The following BANP variants were observed in gnomAD, a reference collection of about 807,000 sequenced individuals.
BANP encodes protein BANP.
In BANP, 11 loss-of-function variants were observed where a neutral mutation model predicts 68.1. The ratio of observed to expected loss-of-function variants is 0.16; its 90% CI spans 0.10 to 0.27. The LOEUF (loss-of-function observed/expected upper bound fraction) is 0.27, where lower values mean the gene tolerates loss of function less well. BANP is among the 10% of genes least tolerant of loss of function. BANP has a pLI of 1.00. For synonymous variants in BANP, 329 were observed against 303.2 expected (o/e 1.09, Z -0.88); for missense variants, 504 against 722.7 (o/e 0.70, Z 3.47).
intron 11 of BANP, among the ~76,000 whole-genome samples, chr16:88,056,161 GC>G (rs1252498159): frequency 2.0e-5 from 3 of 152,208 alleles, no homozygotes; most frequent in African/African-American, 7.2e-5. Context: ...GGTCCTTGTG[GC>G]CCCTAACAGG....
intron 12 of BANP, among the ~76,000 whole-genome samples, chr16:88,069,970 C>G (rs2089895779): frequency 6.6e-6 from 1 of 152,198 alleles, no homozygotes; most frequent in African/African-American, 2.4e-5. Flanking sequence ...TTCCCCCCAG[C>G]CCCAGTCAGC....
At chr16:87,953,415 C>T (rs2057382681) in intron 1 of BANP, among the ~76,000 whole-genome samples, 1 of 152,070 alleles carries the variant, frequency 6.6e-6, no homozygotes. Flanking sequence ...CCTGATGTTG[C>T]CCAGGCCGTA....
In BANP at chr16:88,057,410, A is replaced by C. The variant is rs1422827215; in HGVS notation, c.1312-7857A>C. ...CTGCACCAGGATTCCTGGCCTCCAGAGGAAGGATGGTGGCTGAAGGTGAGC... is the reference window on the plus strand; with the variant it reads ...CTGCACCAGGATTCCTGGCCTCCAGCGGAAGGATGGTGGCTGAAGGTGAGC... On this transcript the variant is annotated intron_variant, in intron 11 of 13. Coordinates refer to ENST00000682872, the MANE Select transcript of BANP (RefSeq NM_001386991.1). The surrounding 1 kb of genome is among the most constrained non-coding windows in gnomAD (Gnocchi z 4.6). 6.6e-6 allele frequency among the ~76,000 whole-genome samples: 1 copy of C among 152,106 alleles called. No individual in the cohort carries two copies. Among genetic ancestry groups the C allele is most frequent in the African/African-American group, 2.4e-5 (1 of 41,424 alleles).
chr16:88,044,232 C>T (rs939188360), intron 11 of BANP, among the ~76,000 whole-genome samples: 4 of 152,230 alleles, frequency 2.6e-5, no homozygotes, highest in African/African-American at 7.2e-5. Context: ...CCAGCATCTG[C>T]GCAAGCCACA....
chr16:88,025,752 C>A (rs2076869030), intron 7 of BANP, among the ~76,000 whole-genome samples: 1 of 152,190 alleles, frequency 6.6e-6, no homozygotes, highest in Admixed American at 6.5e-5. Context: ...ATTATTTCCA[C>A]CATTTTAGTC....
intron 2 of BANP, 109 bp from the exon 3 acceptor site, chr16:87,980,927 T>C: frequency 1.4e-6 from 1 of 720,546 alleles, no homozygotes. Context: ...TAGGTTCTGC[T>C]GTTTCTCCTT....
chr16:88,076,742 C>A lies in BANP; in HGVS notation c.*81C>A. Reference sequence around the variant, plus strand: ...ACGCGCCCTGCTCTCACGGCCTCGGCACAGGCAGCGGCTGCACGTGTTCTG... The same window carrying A: ...ACGCGCCCTGCTCTCACGGCCTCGGAACAGGCAGCGGCTGCACGTGTTCTG... On this transcript the variant is annotated 3_prime_UTR_variant, in exon 14 of 14. Coordinates refer to ENST00000682872, the MANE Select transcript of BANP (RefSeq NM_001386991.1). 1 of 1,199,276 alleles carries A rather than the reference C, an allele frequency of 8.3e-7. No individual in the cohort carries two copies. The highest frequency in any genetic ancestry group is 1.2e-6 in the Non-Finnish European group (1 of 864,196). 74.3% of individuals were successfully genotyped at this position (1,199,276 alleles called of 1,614,324 possible). A position where few individuals can be genotyped will look rare whatever the true frequency, so the allele number is the denominator to read the frequency against.
intron 11 of BANP, among the ~76,000 whole-genome samples, chr16:88,052,069 G>T (rs1351127872): frequency 6.6e-6 from 1 of 152,088 alleles, no homozygotes; most frequent in Non-Finnish European, 1.5e-5. Context: ...TCTCTCATTG[G>T]GCACTCTTAA....
At chr16:87,974,587 T>C (rs1183171393) in intron 1 of BANP, among the ~76,000 whole-genome samples, 3 of 152,010 alleles carry the variant, frequency 2.0e-5, no homozygotes, top group Admixed American at 2.0e-4. Context: ...GGAGGAGAGG[T>C]GGCGTATCAC....
intron 6 of BANP, among the ~76,000 whole-genome samples, chr16:88,010,222 T>G (rs1265218340): frequency 6.6e-6 from 1 of 152,246 alleles, no homozygotes; most frequent in Non-Finnish European, 1.5e-5. Flanking sequence ...TGGGATCTGT[T>G]TGTCCATTAA....
chr16:87,971,302 G>A (rs376817075), intron 1 of BANP, among the ~76,000 whole-genome samples: 2 of 152,158 alleles, frequency 1.3e-5, no homozygotes, highest in African/African-American at 2.4e-5. Flanking sequence ...AGGGTGCTCC[G>A]CTAGCCGCTC....
chr16:87,955,175 C>G (rs369955742), intron 1 of BANP, among the ~76,000 whole-genome samples: 1 of 152,200 alleles, frequency 6.6e-6, no homozygotes, highest in Non-Finnish European at 1.5e-5. Context: ...GGAGCATGAT[C>G]TTTCTGCATG....
intron 8 of BANP, 90 bp downstream of exon 8, chr16:88,027,740 C>T (rs954914470): frequency 3.5e-5 from 52 of 1,475,926 alleles, no homozygotes; most frequent in Middle Eastern, 2.4e-4. Context: ...GCGTGGCCAG[C>T]GGCTCCACCA....
intron 7 of BANP, among the ~76,000 whole-genome samples, chr16:88,020,217 C>G (rs1000665394): frequency 2.6e-5 from 4 of 152,238 alleles, no homozygotes; most frequent in Non-Finnish European, 5.9e-5. Flanking sequence ...CCTGGGGTCT[C>G]TGTTCAACTG....
intron 1 of BANP, among the ~76,000 whole-genome samples, chr16:87,952,951 G>A (rs12324934): frequency 2.0e-5 from 3 of 151,918 alleles, no homozygotes; most frequent in Admixed American, 6.6e-5. Context: ...TGTATTTTTC[G>A]TAGAGAGGGG....
chr16:88,056,976 A>G (rs2152852356), intron 11 of BANP, among the ~76,000 whole-genome samples: 1 of 152,286 alleles, frequency 6.6e-6, no homozygotes, highest in East Asian at 1.9e-4. Context: ...AACATATAGA[A>G]CAGTACTGAT....
At chr16:88,009,902 G>C (rs181166943) in intron 6 of BANP, among the ~76,000 whole-genome samples, 1 of 151,016 alleles carries the variant, frequency 6.6e-6, no homozygotes, top group East Asian at 2.0e-4. Flanking sequence ...AGGGACTGTA[G>C]CTCCTGACTG....
Position 88,023,321 on chromosome 16 carries a change from A to AT in BANP, c.896-4156dup, listed in dbSNP as rs578228793. Among the ~76,000 whole-genome samples, 22 of 151,994 alleles carry AT rather than the reference A, an allele frequency of 1.4e-4. No homozygotes were observed. In the East Asian group the frequency reaches 3.9e-3, roughly 27 times the overall value. On this transcript the variant is annotated intron_variant, in intron 7 of 13. Coordinates refer to ENST00000682872, the MANE Select transcript of BANP (RefSeq NM_001386991.1). ...GACTGAGGACAGGTGTCTCTCCATC[A>AT]TTTTTTCTCATAAAGGAGTGAGTCA...
chr16:87,983,026 C>A (rs11639873), intron 3 of BANP, among the ~76,000 whole-genome samples: 98,757 of 151,432 alleles, frequency 0.65, 32,775 homozygotes, highest in African/African-American at 0.73. Context: ...CTCCACGGCC[C>A]GCTCTCAGTG....
Sources: gnomAD v4.1 joint callset for allele counts (sites outside exome capture counted in the v4.1 genomes callset) on GRCh38, gnomAD v4.1.1 for gene constraint, Gnocchi (gnomAD v3.1) non-coding constraint, MANE v1.5 for transcripts, NCBI Gene and HGNC (gene_info 2026-07-23, HGNC 2026-07-21) for gene names.